Variants in TRANK1 observed in about 807,000 individuals in gnomAD.
TRANK1 encodes tetratricopeptide repeat and ankyrin repeat containing 1.
Under a neutral mutation model 266.0 loss-of-function variants are expected in TRANK1, and 198 were observed. The observed-to-expected ratio is 0.74, with a 90% confidence interval of 0.66 to 0.84. The LOEUF (loss-of-function observed/expected upper bound fraction) is 0.84. Among genes scored for constraint, TRANK1 ranks in the 40% least tolerant of loss-of-function variants. The pLI, the probability that TRANK1 is intolerant of heterozygous loss-of-function variation, is 0.00. For missense variants in TRANK1, 3,326 were observed against 3,634.6 expected (o/e 0.92, Z 2.18); for synonymous variants, 1,396 against 1,384.1 (o/e 1.01, Z -0.19).
chr3:36,919,871 CAT>C (rs1296219987), intron 1 of TRANK1, among the ~76,000 whole-genome samples: 3 of 152,144 alleles, frequency 2.0e-5, no homozygotes, highest in Non-Finnish European at 2.9e-5. Flanking sequence ...TTTTATTGGC[CAT>C]ATGAGTGTCC....
intron 8 of TRANK1, 46 bp from the exon 9 acceptor site, chr3:36,874,342 C>A: frequency 6.6e-7 from 1 of 1,522,340 alleles, no homozygotes. Context: ...TGGTTCCTTC[C>A]ATAAGATGTC....
At chr3:36,906,356 G>C (rs551241227) in intron 2 of TRANK1, among the ~76,000 whole-genome samples, 15 of 152,190 alleles carry the variant, frequency 9.9e-5, no homozygotes, top group Non-Finnish European at 1.6e-4. Context: ...TACTGCAGCT[G>C]TTCCAAAAGG....
intron 14 of TRANK1, 103 bp from the exon 15 acceptor site, chr3:36,851,959 G>A (rs2078990174): frequency 1.9e-5 from 27 of 1,446,024 alleles, no homozygotes; most frequent in Non-Finnish European, 2.5e-5. Flanking sequence ...GAAATGGCCA[G>A]CATAAACATG....
chr3:36,925,518 T>C (rs1219587315), intron 1 of TRANK1, among the ~76,000 whole-genome samples: 1 of 152,204 alleles, frequency 6.6e-6, no homozygotes, highest in East Asian at 1.9e-4. Flanking sequence ...AAAGAAGTTT[T>C]GTTAAACAAA....
chr3:36,897,479 C>T (rs986104150), intron 4 of TRANK1, among the ~76,000 whole-genome samples: 4 of 152,184 alleles, frequency 2.6e-5, no homozygotes, highest in Admixed American at 6.5e-5. Context: ...CTAACTCCTT[C>T]CCACTGCCTG....
chr3:36,865,015 G>GT (rs369562811), intron 9 of TRANK1, among the ~76,000 whole-genome samples: 22 of 122,880 alleles, frequency 1.8e-4, no homozygotes, highest in African/African-American at 5.3e-4. Context: ...GGGTTTTTTT[G>GT]TTTTTTTGGT....
chr3:36,920,709 G>A (rs1042974420), intron 1 of TRANK1, among the ~76,000 whole-genome samples: 2 of 152,226 alleles, frequency 1.3e-5, no homozygotes, highest in African/African-American at 4.8e-5. Context: ...ACACTCACAG[G>A]ATGAAACCAA....
chr3:36,941,731 A>C (rs1374304470), intron 1 of TRANK1, among the ~76,000 whole-genome samples: 2 of 152,212 alleles, frequency 1.3e-5, no homozygotes, highest in East Asian at 3.9e-4. Context: ...CAGCCCGACT[A>C]TCAGTCTTTG....
Position 36,838,355 on chromosome 3 carries a change from C to T in TRANK1, c.5517+17G>A, listed in dbSNP as rs149411340. The T allele has an allele frequency of 1.1e-3, 1,837 of 1,612,584 alleles. 23 individuals carry two copies. In the African/African-American group the frequency reaches 0.022, roughly 19 times the overall value. ...AGCCCAGTTTTCCCTGGAGCAGCAGCGGACTAGGAGCCATACCTTTCCCAG... is the reference window on the plus strand; with the variant it reads ...AGCCCAGTTTTCCCTGGAGCAGCAGTGGACTAGGAGCCATACCTTTCCCAG... On this transcript the variant is annotated intron_variant, in intron 20 of 23. Coordinates refer to ENST00000645898, the MANE Select transcript of TRANK1 (RefSeq NM_001329998.2).
At chr3:36,874,058 C>A in intron 9 of TRANK1, 68 bp downstream of exon 9, 2 of 1,361,074 alleles carry the variant, frequency 1.5e-6, no homozygotes, top group East Asian at 2.7e-5. Context: ...AAGAGATAAA[C>A]TGATTTGTAT....
chr3:36,903,372 G>C, intron 2 of TRANK1, 97 bp from the exon 3 acceptor site: 4 of 1,434,766 alleles, frequency 2.8e-6, no homozygotes, highest in South Asian at 1.4e-5. Context: ...CATCAGGAAG[G>C]GGGTTTCAGT....
In TRANK1 at chr3:36,856,903, C is replaced by G. The variant is rs773328801; in HGVS notation, c.2819G>C (p.Arg940Pro). The change falls in exon 13 of 24, where the codon CGG becomes CCG. Residue 940 changes from arginine (R) to proline (P), a missense_variant. Physicochemically the swap from Arg to Pro is moderately radical, Grantham distance 103. Coordinates refer to ENST00000645898, the MANE Select transcript of TRANK1 (RefSeq NM_001329998.2). ...KSGRIYTEII[R>P]IWDIVLDHCK... ...GTGATCTAAGACGATGTCCCAAATC[C>G]GGATGATTTCCGTGTAGATCCGCCC... The G allele has an allele frequency of 6.2e-7, 1 of 1,613,928 alleles. No homozygotes were observed. Among genetic ancestry groups the G allele is most frequent in the East Asian group, 2.2e-5 (1 of 44,876 alleles).
chr3:36,904,808 T>A (rs1433725178), intron 2 of TRANK1, among the ~76,000 whole-genome samples: 1 of 152,016 alleles, frequency 6.6e-6, no homozygotes, highest in Non-Finnish European at 1.5e-5. Flanking sequence ...TGCCATGGTG[T>A]CCATCCCAGA....
Position 36,900,792 on chromosome 3 carries a change from G to A in TRANK1, c.283-1533C>T, listed in dbSNP as rs556041987. On this transcript the variant is annotated intron_variant, in intron 3 of 23. Transcript: ENST00000645898. ...AGCTATTCCAGAGGCGGAGGGAGGA[G>A]GATCACATGAGCCCACGAGGTGAGG... Among the ~76,000 whole-genome samples the A allele has an allele frequency of 6.4e-5, 9 of 139,612 alleles. No homozygotes were observed. In the South Asian group the frequency reaches 2.1e-3, roughly 33 times the overall value. The allele number at this position is 139,612 out of a possible 152,430, so 91.6% of individuals were successfully genotyped here.
Position 36,903,256 on chromosome 3 carries a change from C to A in TRANK1, c.175G>T (p.Ala59Ser). The stretch of plus-strand genomic sequence containing the variant: ...TTTGATTTGTTGCACAGCAGCACAG[C>A]CAAGTCCCTCGGGGGAACCCTGTAA... ...YQWGVPPRDL[A>S]VLLCNKSNAF... Residue 59 changes from alanine to serine, a missense_variant, in exon 3 of 24, where the codon GCT (alanine) becomes TCT (serine). By Grantham distance (99) the Ala-to-Ser change is moderately conservative. Transcript: ENST00000645898. The A allele has an allele frequency of 6.5e-7, 1 of 1,537,270 alleles. No homozygotes were observed. The highest frequency in any genetic ancestry group is 8.7e-7 in the Non-Finnish European group (1 of 1,146,892).
Position 36,831,399 on chromosome 3 carries a change from C to G in TRANK1, c.8184G>C (p.Leu2728=). The G allele has an allele frequency of 6.2e-7, 1 of 1,613,032 alleles. No homozygotes were observed. Among genetic ancestry groups the G allele is most frequent in the East Asian group, 2.2e-5 (1 of 44,854 alleles). The change falls in exon 22 of 24, where the codon CTG becomes CTC. Residue 2728 remains leucine, a synonymous_variant. Coordinates refer to ENST00000645898, the MANE Select transcript of TRANK1 (RefSeq NM_001329998.2). The surrounding 1 kb of genome is among the most constrained non-coding windows in gnomAD (Gnocchi z 5.0). ...SIQRKLRRAC[L]VVSLCISWRR... is the part of the protein sequence containing the mutation. ...TCCAACTGATGCACAGAGACACCAC[C>G]AGGCATGCCCTCCTCAACTTCCGCT... is the stretch of plus-strand genomic sequence containing the variant.
At chr3:36,916,810 TTTTTGTTTTTTG>T (rs1159973240) in intron 1 of TRANK1, among the ~76,000 whole-genome samples, 5 of 151,622 alleles carry the variant, frequency 3.3e-5, no homozygotes, top group African/African-American at 1.2e-4. Flanking sequence ...TTTGTTTTTT[TTTTTGTTTTTTG>T]TTTTTTTGAA....
chr3:36,907,497 C>G (rs1457574140), intron 2 of TRANK1, among the ~76,000 whole-genome samples: 1 of 129,464 alleles, frequency 7.7e-6, no homozygotes, highest in Admixed American at 9.3e-5. Context: ...CGGAGTCTGG[C>G]TCTGTCGCCC....
chr3:36,841,066 A>C (rs1185679802), intron 18 of TRANK1, among the ~76,000 whole-genome samples: 1 of 152,230 alleles, frequency 6.6e-6, no homozygotes, highest in East Asian at 1.9e-4. Flanking sequence ...GGCATGTCAG[A>C]TCACAGATAC....
Sources: allele counts gnomAD v4.1 joint callset (sites outside exome capture counted in the v4.1 genomes callset), GRCh38; gene constraint gnomAD v4.1.1; non-coding constraint Gnocchi (gnomAD v3.1); transcripts MANE v1.5; gene names NCBI Gene and HGNC (gene_info 2026-07-23, HGNC 2026-07-21).